Variants in OR3A3 observed in about 807,000 individuals in gnomAD.
OR3A3 encodes the protein olfactory receptor 3A3.
For synonymous variants in OR3A3, 103 were observed against 163.9 expected (o/e 0.63, Z 2.84); for missense variants, 275 against 391.4 (o/e 0.70, Z 2.51).
At chr17:3,421,611 A>G (rs2072436323) in exon 3 of OR3A3, 2 of 1,487,164 alleles carry the variant, frequency 1.3e-6, no homozygotes, top group Non-Finnish European at 1.8e-6. Flanking sequence ...CCTTGTTTAT[A>G]ACCATTATTT....
chr17:3,415,561 C>CAAAAAAAAAA (rs373566506), intron 2 of OR3A3, among the ~76,000 whole-genome samples: 1 of 110,776 alleles, frequency 9.0e-6, no homozygotes, highest in African/African-American at 3.7e-5. Context: ...AACTCCAACT[C>CAAAAAAAAAA]AAAAAAAAAA....
At chr17:3,420,461 T>C in intron 2 of OR3A3, 119 bp from the exon 3 acceptor site, 1 of 1,501,758 alleles carries the variant, frequency 6.7e-7, no homozygotes, top group Middle Eastern at 1.9e-4. Context: ...GGCATTGAGG[T>C]GTTGGAGGAG....
At chr17:3,413,131 G>A (rs1467337295) in intron 2 of OR3A3, among the ~76,000 whole-genome samples, 1 of 152,236 alleles carries the variant, frequency 6.6e-6, no homozygotes, top group Non-Finnish European at 1.5e-5. Flanking sequence ...ATAGAGCAAT[G>A]ACTGAACTGG....
At chr17:3,417,475 G>A (rs1412807025) in intron 2 of OR3A3, among the ~76,000 whole-genome samples, 10 of 151,916 alleles carry the variant, frequency 6.6e-5, no homozygotes, top group African/African-American at 9.7e-5. Context: ...CCCCATATAC[G>A]TCTTACAGTA....
chr17:3,414,275 G>A (rs1001637432), intron 2 of OR3A3, among the ~76,000 whole-genome samples: 6 of 152,164 alleles, frequency 3.9e-5, no homozygotes, highest in African/African-American at 1.2e-4. Flanking sequence ...GTTTCACCAT[G>A]TTAACCAGGA....
intron 2 of OR3A3, among the ~76,000 whole-genome samples, chr17:3,419,715 T>C (rs996936314): frequency 6.8e-6 from 1 of 148,066 alleles, no homozygotes; most frequent in Non-Finnish European, 1.5e-5. Context: ...CAGAGAAAAA[T>C]GGGAAAATTC....
chr17:3,415,188 T>C (rs1181497436), intron 2 of OR3A3, among the ~76,000 whole-genome samples: 5 of 152,106 alleles, frequency 3.3e-5, no homozygotes, highest in African/African-American at 7.2e-5. Flanking sequence ...TTATGGTATA[T>C]ATAAGAAAAC....
At chr17:3,418,968 T>A (rs1216767818) in intron 2 of OR3A3, among the ~76,000 whole-genome samples, 1 of 152,178 alleles carries the variant, frequency 6.6e-6, no homozygotes, top group East Asian at 1.9e-4. Context: ...GAAGGACAAG[T>A]AGAAGACCAG....
At chr17:3,422,313 CA>C (rs1470074632) in exon 3 of OR3A3, 3 of 152,124 alleles carry the variant, frequency 2.0e-5, no homozygotes, top group African/African-American at 4.8e-5. Flanking sequence ...ACCTTAAGAT[CA>C]AAAAGGGAAT....
rs1348158227 is a variant in OR3A3 at position 3,417,304 on chromosome 17, G to A, written c.-6-3276G>A. Among the ~76,000 whole-genome samples, 3 of 151,648 alleles carry A rather than the reference G, an allele frequency of 2.0e-5. No individual in the cohort carries two copies. The East Asian group carries it at 5.8e-4, about 29-fold the overall frequency. On this transcript the variant is annotated intron_variant, in intron 2 of 2. Coordinates refer to ENST00000641141, the Ensembl canonical transcript of OR3A3. ...TAAGCCTTTTCATTTCAACATTTTT[G>A]CTGATTAACATGAACATATCTTTTG...
chr17:3,413,706 G>A (rs946528847), intron 2 of OR3A3, among the ~76,000 whole-genome samples: 3 of 151,850 alleles, frequency 2.0e-5, no homozygotes, highest in East Asian at 3.9e-4. Context: ...CCAGCTGCTC[G>A]GGAGGCTGAG....
At chr17:3,414,584 G>A (rs2072380066) in intron 2 of OR3A3, among the ~76,000 whole-genome samples, 1 of 152,180 alleles carries the variant, frequency 6.6e-6, no homozygotes, top group Non-Finnish European at 1.5e-5. Flanking sequence ...ATAGTGCTTT[G>A]ACAATTGGAG....
chr17:3,420,516 G>C, intron 2 of OR3A3, 64 bp from the exon 3 acceptor site: 3 of 1,572,110 alleles, frequency 1.9e-6, no homozygotes, highest in Non-Finnish European at 2.6e-6. Context: ...GAACATAAAT[G>C]GTTTAAAATG....
chr17:3,421,110 T>A, exon 3 of OR3A3: 1 of 1,613,790 alleles, frequency 6.2e-7, no homozygotes, highest in Non-Finnish European at 8.5e-7. Context: ...GTGGCCCCAA[T>A]GAGGTCAATC....
At chr17:3,414,469 G>A (rs1276219141) in intron 2 of OR3A3, among the ~76,000 whole-genome samples, 1 of 152,202 alleles carries the variant, frequency 6.6e-6, no homozygotes, top group Non-Finnish European at 1.5e-5. Context: ...TGAATGCCCG[G>A]TGGATTTCCT....
chr17:3,420,470 A>C, intron 2 of OR3A3, 110 bp from the exon 3 acceptor site: 1 of 1,525,038 alleles, frequency 6.6e-7, no homozygotes, highest in African/African-American at 1.4e-5. Context: ...GTGTTGGAGG[A>C]GTGAGGGATG....
rs188249929 is a variant in OR3A3, at chr17:3,416,956, C to A, written c.-6-3624C>A. 2.6e-5 allele frequency among the ~76,000 whole-genome samples: 4 copies of A among 152,054 alleles called. No individual in the cohort carries two copies. The East Asian group carries it at 7.7e-4, about 29-fold the overall frequency. ...TAACTGTATTTTTGTACCCATTAAC[C>A]AATTTATCTTTATCACTCCTTCCCC... On this transcript the variant is annotated intron_variant, in intron 2 of 2. Coordinates refer to ENST00000641141, the Ensembl canonical transcript of OR3A3.
intron 2 of OR3A3, among the ~76,000 whole-genome samples, chr17:3,416,568 T>C (rs2072393229): frequency 6.6e-6 from 1 of 152,168 alleles, no homozygotes; most frequent in South Asian, 2.1e-4. Flanking sequence ...AATTGGAAGC[T>C]AGCTCTTTCT....
At chr17:3,420,824 C>T (rs2072427901) in exon 3 of OR3A3, 3 of 1,363,638 alleles carry the variant, frequency 2.2e-6, no homozygotes, top group Non-Finnish European at 2.0e-6. Flanking sequence ...ATCACTGTCA[C>T]TGTTCCTGCA....
Sources: gnomAD v4.1 joint callset for allele counts (sites outside exome capture counted in the v4.1 genomes callset) on GRCh38, gnomAD v4.1.1 for gene constraint, MANE v1.5 for transcripts, NCBI Gene and HGNC (gene_info 2026-07-23, HGNC 2026-07-21) for gene names.